Variants in NAV2 observed in about 807,000 individuals in gnomAD.
The protein encoded by NAV2 is neuron navigator 2, also known as helicase, APC down-regulated 1.
In NAV2, 54 loss-of-function variants were observed where a neutral mutation model predicts 223.2. The ratio of observed to expected loss-of-function variants is 0.24; its 90% CI spans 0.19 to 0.30. The LOEUF (loss-of-function observed/expected upper bound fraction) is 0.30, where lower values mean the gene tolerates loss of function less well. NAV2 is among the 10% of genes least tolerant of loss of function. The pLI is 1.00. For synonymous variants in NAV2, 1,279 were observed against 1,239.3 expected, an observed-to-expected ratio of 1.03 and a Z score of -0.67; for missense variants, 2,806 against 3,147.5, an observed-to-expected ratio of 0.89 and a Z score of 2.60.
intron 1 of NAV2, among the ~76,000 whole-genome samples, chr11:19,522,496 C>T (rs77341621): frequency 0.019 from 2,947 of 152,248 alleles, 104 homozygotes; most frequent in African/African-American, 0.067. Flanking sequence ...ACAGTGACCC[C>T]GCCTTCTTCC....
intron 20 of NAV2, among the ~76,000 whole-genome samples, chr11:20,063,646 AT>A (rs2058851226): frequency 6.6e-6 from 1 of 152,152 alleles, no homozygotes; most frequent in African/African-American, 2.4e-5. Flanking sequence ...AAGTGTTGGG[AT>A]TACAGGCGTG....
chr11:19,578,356 C>T (rs957330540), intron 1 of NAV2, among the ~76,000 whole-genome samples: 5 of 152,206 alleles, frequency 3.3e-5, no homozygotes, highest in African/African-American at 1.2e-4. Flanking sequence ...GGCTCTTGGC[C>T]ACAGTCAGAG....
At chr11:19,430,149 C>T (rs1463730283) in intron 1 of NAV2, among the ~76,000 whole-genome samples, 1 of 152,160 alleles carries the variant, frequency 6.6e-6, no homozygotes, top group Non-Finnish European at 1.5e-5. Flanking sequence ...TTACCCCCAC[C>T]CCTCTCAGTT....
At chr11:19,373,579 CT>C (rs572910104) in intron 1 of NAV2, among the ~76,000 whole-genome samples, 3 of 152,308 alleles carry the variant, frequency 2.0e-5, no homozygotes, top group Admixed American at 2.0e-4. Flanking sequence ...CTAGTCCCTC[CT>C]GCAGGACCCC....
chr11:19,939,572 G>A, intron 7 of NAV2, 89 bp from the exon 8 acceptor site: 2 of 887,818 alleles, frequency 2.3e-6, no homozygotes, highest in Non-Finnish European at 3.7e-6. Context: ...TACAGGAGGT[G>A]ATGGTGAGGG....
intron 1 of NAV2, among the ~76,000 whole-genome samples, chr11:19,445,193 G>A (rs2632012): frequency 0.013 from 2,040 of 152,264 alleles, 47 homozygotes; most frequent in African/African-American, 0.047. Context: ...CACGGGAAGA[G>A]GAAATAAGGA....
chr11:19,559,781 G>A (rs1468061346), intron 1 of NAV2, among the ~76,000 whole-genome samples: 2 of 152,190 alleles, frequency 1.3e-5, no homozygotes, highest in African/African-American at 2.4e-5. Flanking sequence ...GATGGGAAGT[G>A]CTTTCTTCGG....
intron 1 of NAV2, among the ~76,000 whole-genome samples, chr11:19,382,454 T>C (rs55665984): frequency 0.022 from 3,418 of 152,320 alleles, 74 homozygotes; most frequent in Admixed American, 0.065. Flanking sequence ...AAGCAGCGTC[T>C]GCCGTTCATG....
intron 1 of NAV2, among the ~76,000 whole-genome samples, chr11:19,811,467 G>A (rs991089008): frequency 6.6e-6 from 1 of 152,202 alleles, no homozygotes; most frequent in Non-Finnish European, 1.5e-5. Flanking sequence ...TTGGAGCAGG[G>A]AAGGGAGGCT....
intron 1 of NAV2, among the ~76,000 whole-genome samples, chr11:19,457,931 C>T (rs530393081): frequency 3.9e-5 from 6 of 152,086 alleles, no homozygotes; most frequent in East Asian, 3.9e-4. Context: ...GGGACATGCA[C>T]GGAATAGGGC....
chr11:19,638,363 T>C (rs2047562944), intron 1 of NAV2, among the ~76,000 whole-genome samples: 1 of 152,216 alleles, frequency 6.6e-6, no homozygotes, highest in Non-Finnish European at 1.5e-5. Context: ...AAAGCAACCT[T>C]TGTGCTTGAG....
chr11:19,790,627 T>C lies in NAV2; in HGVS notation c.268-41857T>C, dbSNP rs181912106. Among the ~76,000 whole-genome samples, 54 of 152,326 alleles carry C rather than the reference T, an allele frequency of 3.5e-4. 1 individual carries two copies. In the East Asian group the frequency reaches 7.3e-3, roughly 21 times the overall value. On this transcript the variant is annotated intron_variant, in intron 1 of 37. Coordinates refer to ENST00000349880, the MANE Select transcript of NAV2 (RefSeq NM_145117.5). The stretch of plus-strand genomic sequence containing the variant: ...ATGTCTGAGACTATGATTCCTCCTC[T>C]GTAAGAGTAACTCTGGTTCATCAGA...
At chr11:20,059,225 C>G (rs545350566) in intron 19 of NAV2, among the ~76,000 whole-genome samples, 1 of 152,262 alleles carries the variant, frequency 6.6e-6, no homozygotes, top group Admixed American at 6.5e-5. Context: ...TCCACAGTAC[C>G]CAATTGTGGA....
Position 19,662,232 on chromosome 11 carries a change from A to G in NAV2, c.76-170252A>G, listed in dbSNP as rs1045619616. On this transcript the variant is annotated intron_variant, in intron 1 of 37. Coordinates refer to the NAV2 transcript ENST00000360655. ...AGAATATGAGACTTCTAGTTTACCT[A>G]CCATCAAAGACCAGAAGGTTGTTAT... Among the ~76,000 whole-genome samples the G allele has an allele frequency of 2.0e-5, 3 of 152,390 alleles. No individual in the cohort carries two copies. In the South Asian group the frequency reaches 6.2e-4, roughly 32 times the overall value.
chr11:19,415,935 G>T (rs117958659), intron 1 of NAV2, among the ~76,000 whole-genome samples: 5 of 152,196 alleles, frequency 3.3e-5, no homozygotes, highest in Non-Finnish European at 7.4e-5. Flanking sequence ...AGTATTGATG[G>T]AACATAGCTC....
At chr11:19,721,705 G>A (rs2050761930) in intron 1 of NAV2, among the ~76,000 whole-genome samples, 1 of 152,210 alleles carries the variant, frequency 6.6e-6, no homozygotes, top group Non-Finnish European at 1.5e-5. Flanking sequence ...GGTCATTTGT[G>A]AGAAAATTGG....
At chr11:19,482,620 C>G (rs1341573081) in intron 1 of NAV2, among the ~76,000 whole-genome samples, 1 of 152,132 alleles carries the variant, frequency 6.6e-6, no homozygotes, top group Non-Finnish European at 1.5e-5. Flanking sequence ...ACCGCCCTCC[C>G]CAATAGTCTT....
rs557986376 is a variant in NAV2, at chr11:19,880,655, T to C, written c.770+528T>C. On this transcript the variant is annotated intron_variant, in intron 5 of 37. Transcript: ENST00000349880. Reference sequence around the variant, plus strand: ...GCAGTTACCATTAAATGTGACTGTGTTGTGTTGAACTGAGATGGGGAGAGT... The same window carrying C: ...GCAGTTACCATTAAATGTGACTGTGCTGTGTTGAACTGAGATGGGGAGAGT... Among the ~76,000 whole-genome samples, 23 of 152,264 alleles carry C rather than the reference T, an allele frequency of 1.5e-4. No homozygotes were observed. In the South Asian group the frequency reaches 4.6e-3, roughly 30 times the overall value.
At chr11:19,949,798 C>T (rs7121806) in intron 10 of NAV2, among the ~76,000 whole-genome samples, 2,844 of 152,290 alleles carry the variant, frequency 0.019, 85 homozygotes, top group African/African-American at 0.065. Flanking sequence ...TTGTCTTGCG[C>T]GTTCACTGCA....
Sources: gnomAD v4.1 joint callset for allele counts (sites outside exome capture counted in the v4.1 genomes callset) on GRCh38, gnomAD v4.1.1 for gene constraint, MANE v1.5 for transcripts, NCBI Gene and HGNC (gene_info 2026-07-23, HGNC 2026-07-21) for gene names.